Variants in C6orf118 observed in about 807,000 individuals in gnomAD.
The protein encoded by C6orf118 is uncharacterized protein C6orf118.
C6orf118 carries 50 observed loss-of-function variants against 50.2 expected under a neutral mutation model. The ratio of observed to expected loss-of-function variants is 1.00; its 90% CI spans 0.79 to 1.26. C6orf118 has a LOEUF of 1.26. C6orf118 is among the 50% of genes most tolerant of loss of function. C6orf118 has a pLI of 0.00. For synonymous variants in C6orf118, 239 were observed against 230.9 expected (o/e 1.03, Z -0.32); for missense variants, 641 against 578.7 (o/e 1.11, Z -1.10).
Position 165,281,559 on chromosome 6 carries a change from G to A in C6orf118, c.1356+81C>T. ...AACCTACAAAGAATTACGATCAGTT[G>A]GTCATGCTTATTACACAGGACAAGC... On this transcript the variant is annotated intron_variant, in intron 8 of 8. Transcript: ENST00000230301. 9 of 1,441,220 alleles carry A rather than the reference G, an allele frequency of 6.2e-6. No homozygotes were observed. In the South Asian group the frequency reaches 1.3e-4, roughly 21 times the overall value. The allele number at this position is 1,441,220 out of a possible 1,614,324, so 89.3% of individuals were successfully genotyped here.
chr6:165,290,521 CA>C (rs905784209), intron 6 of C6orf118, among the ~76,000 whole-genome samples: 1 of 152,054 alleles, frequency 6.6e-6, no homozygotes, highest in African/African-American at 2.4e-5. Flanking sequence ...AGAAGTTAGA[CA>C]AGCAGAAGGG....
At chr6:165,287,979 T>C (rs1454433742) in intron 7 of C6orf118, among the ~76,000 whole-genome samples, 3 of 152,124 alleles carry the variant, frequency 2.0e-5, no homozygotes, top group African/African-American at 7.2e-5. Context: ...GAAACTATCA[T>C]CAGAGCAAAC....
chr6:165,287,770 T>C (rs1236271468), intron 7 of C6orf118, among the ~76,000 whole-genome samples: 1 of 152,050 alleles, frequency 6.6e-6, no homozygotes, highest in Non-Finnish European at 1.5e-5. Context: ...TTACACCTTA[T>C]ACAAAAAATA....
At chr6:165,305,770 T>C (rs1225026174) in intron 1 of C6orf118, among the ~76,000 whole-genome samples, 1 of 119,248 alleles carries the variant, frequency 8.4e-6, no homozygotes, top group Non-Finnish European at 1.6e-5. Context: ...AAAACCACTA[T>C]GAGATATCAT....
rs73788325 is a variant in C6orf118 at position 165,300,321 on chromosome 6, T to G, written c.876+43A>C. On this transcript the variant is annotated intron_variant, in intron 3 of 8. Transcript: ENST00000230301. ...GATCATTCTTGTACACAGAACCTCA[T>G]GCAAGCTTCTCAACTGTTATGCTGA... 9.1e-4 allele frequency: 1,457 copies of G among 1,609,184 alleles called. 10 individuals are homozygous for G. In the African/African-American group the frequency reaches 0.017, roughly 19 times the overall value.
intron 3 of C6orf118, among the ~76,000 whole-genome samples, chr6:165,300,106 C>A (rs73788324): frequency 0.054 from 8,163 of 152,110 alleles, 226 homozygotes; most frequent in Non-Finnish European, 0.069. Context: ...AATTTATAAA[C>A]GGTTATGCAT....
At chr6:165,297,231 G>A (rs1780340616) in intron 5 of C6orf118, among the ~76,000 whole-genome samples, 1 of 151,896 alleles carries the variant, frequency 6.6e-6, no homozygotes, top group South Asian at 2.1e-4. Context: ...GACCAGACTG[G>A]CCAACACAGT....
At chr6:165,282,197 T>C (rs1467419333) in intron 7 of C6orf118, among the ~76,000 whole-genome samples, 1 of 152,130 alleles carries the variant, frequency 6.6e-6, no homozygotes, top group African/African-American at 2.4e-5. Context: ...TAATCCCAGA[T>C]AGGAGTATTA....
chr6:165,297,401 T>TAAAA lies in C6orf118; in HGVS notation c.1061+572_1061+575dup, dbSNP rs762133971. On this transcript the variant is annotated intron_variant, in intron 5 of 8. Transcript: ENST00000230301. Reference sequence around the variant, plus strand: ...CCTGGGCGACAGAGCAAGTCTCCATTAAAAAAAAAAAAAAAAAAGAAGAAC... The same window carrying TAAAA: ...CCTGGGCGACAGAGCAAGTCTCCATTAAAAAAAAAAAAAAAAAAAAAAGAAGAAC... Among the ~76,000 whole-genome samples the TAAAA allele has an allele frequency of 2.4e-3, 301 of 124,306 alleles. 1 individual carries two copies. The highest frequency in any genetic ancestry group is 8.5e-3 in the African/African-American group (289 of 34,098). The allele number at this position is 124,306 out of a possible 152,430, so 81.5% of individuals were successfully genotyped here.
intron 1 of C6orf118, 49 bp from the exon 2 acceptor site, chr6:165,302,345 A>C: frequency 6.3e-7 from 1 of 1,575,896 alleles, no homozygotes; most frequent in Non-Finnish European, 8.6e-7. Flanking sequence ...TTAGTTCCAC[A>C]GTAAGTCAGC....
At position 165,301,849 on chromosome 6, in the gene C6orf118, T is replaced by C; in HGVS notation, c.473A>G (p.Glu158Gly). ...CCGTCCAGGAGGGCCTCCTTTCTTTTCTTCCTTCCCCTCTCTGACAGCCTC... is the reference window on the plus strand; with the variant it reads ...CCGTCCAGGAGGGCCTCCTTTCTTTCCTTCCTTCCCCTCTCTGACAGCCTC... ...PVEAVREGKE[E>G]KKGGPPGRGP... The change falls in exon 2 of 9, where the codon GAA becomes GGA. Residue 158 changes from glutamate to glycine, a missense_variant. Coordinates refer to ENST00000230301, the MANE Select transcript of C6orf118 (RefSeq NM_144980.4). 1 of 1,613,848 alleles carries C rather than the reference T, an allele frequency of 6.2e-7. No homozygotes were observed.
intron 5 of C6orf118, among the ~76,000 whole-genome samples, 171 bp from the exon 6 acceptor site, chr6:165,293,642 CAA>C (rs146407441): frequency 0.016 from 2,442 of 152,236 alleles, 70 homozygotes; most frequent in African/African-American, 0.057. Context: ...CTAAATCAGT[CAA>C]GTTAAACAAA....
At chr6:165,297,019 T>C (rs1780334087) in intron 5 of C6orf118, among the ~76,000 whole-genome samples, 1 of 152,140 alleles carries the variant, frequency 6.6e-6, no homozygotes, top group South Asian at 2.1e-4. Flanking sequence ...AAGGCCAGGA[T>C]GAAGACACAT....
intron 6 of C6orf118, among the ~76,000 whole-genome samples, chr6:165,290,845 A>C (rs927219608): frequency 7.9e-5 from 12 of 152,312 alleles, no homozygotes; most frequent in Admixed American, 5.9e-4. Context: ...GACATACCTG[A>C]GACTGGGCAA....
intron 4 of C6orf118, among the ~76,000 whole-genome samples, 163 bp from the exon 5 acceptor site, chr6:165,298,264 G>T (rs1473005968): frequency 1.3e-5 from 2 of 152,202 alleles, no homozygotes; most frequent in Non-Finnish European, 2.9e-5. Context: ...AGGGCCGTTG[G>T]GGGAGGGATG....
At chr6:165,305,739 G>T (rs1780696273) in intron 1 of C6orf118, among the ~76,000 whole-genome samples, 1 of 120,154 alleles carries the variant, frequency 8.3e-6, no homozygotes, top group South Asian at 2.7e-4. Flanking sequence ...ATCATCACTG[G>T]CCATCAGAGA....
chr6:165,307,657 C>A (rs1780792928), intron 1 of C6orf118, among the ~76,000 whole-genome samples: 1 of 152,160 alleles, frequency 6.6e-6, no homozygotes, highest in Non-Finnish European at 1.5e-5. Context: ...CTAGAACATT[C>A]ATATTCCCTC....
chr6:165,298,933 G>C (rs773447078), intron 4 of C6orf118, among the ~76,000 whole-genome samples: 6 of 152,178 alleles, frequency 3.9e-5, no homozygotes, highest in Non-Finnish European at 5.9e-5. Flanking sequence ...AGCTATCTTA[G>C]CTACAGTGTT....
At chr6:165,294,878 G>A (rs1168253737) in intron 5 of C6orf118, among the ~76,000 whole-genome samples, 2 of 152,066 alleles carry the variant, frequency 1.3e-5, no homozygotes, top group Non-Finnish European at 2.9e-5. Context: ...GCAAGACCCT[G>A]TCTCAAAGAA....
Sources: allele counts gnomAD v4.1 joint callset (sites outside exome capture counted in the v4.1 genomes callset), GRCh38; gene constraint gnomAD v4.1.1; transcripts MANE v1.5; gene names NCBI Gene and HGNC (gene_info 2026-07-23, HGNC 2026-07-21).